The following CEP126 variants were observed in gnomAD, a reference collection of about 807,000 sequenced individuals.
The protein encoded by CEP126 is centrosomal protein of 126 kDa.
CEP126 carries 74 observed loss-of-function variants against 107.8 expected under a neutral mutation model. The ratio of observed to expected loss-of-function variants is 0.69; its 90% confidence interval spans 0.57 to 0.83. The LOEUF is 0.83. CEP126 is among the 40% of genes least tolerant of loss of function. CEP126 has a pLI of 0.00. For missense variants in CEP126, 1,237 were observed against 1,281.9 expected (o/e 0.96, Z 0.53); for synonymous variants, 449 against 446.0 (o/e 1.01, Z -0.08).
chr11:101,974,594 G>A (rs1237267786), intron 6 of CEP126, among the ~76,000 whole-genome samples: 1 of 152,088 alleles, frequency 6.6e-6, no homozygotes, highest in Admixed American at 6.6e-5. Flanking sequence ...ATGTGTTTAT[G>A]ATTAAGAATA....
intron 6 of CEP126, among the ~76,000 whole-genome samples, chr11:101,969,991 T>C (rs1487876219): frequency 6.6e-6 from 1 of 152,170 alleles, no homozygotes; most frequent in Non-Finnish European, 1.5e-5. Context: ...AGGTAATACA[T>C]TTATAATTTA....
intron 5 of CEP126, among the ~76,000 whole-genome samples, chr11:101,959,237 A>T (rs756411320): frequency 6.6e-6 from 1 of 151,558 alleles, no homozygotes; most frequent in Admixed American, 6.6e-5. Context: ...GCTCACTGCA[A>T]CCTCCGCCTC....
At chr11:101,925,380 C>A (rs1940391167) in intron 2 of CEP126, among the ~76,000 whole-genome samples, 1 of 152,136 alleles carries the variant, frequency 6.6e-6, no homozygotes, top group Admixed American at 6.5e-5. Flanking sequence ...ATTCACTCAA[C>A]ATGGAGAATT....
intron 10 of CEP126, among the ~76,000 whole-genome samples, chr11:101,993,847 T>C (rs1941413412): frequency 6.6e-6 from 1 of 152,244 alleles, no homozygotes; most frequent in Non-Finnish European, 1.5e-5. Flanking sequence ...GTCACATGTG[T>C]GTCTTCTTTT....
At chr11:101,965,874 C>T (rs1941052063) in intron 6 of CEP126, among the ~76,000 whole-genome samples, 1 of 152,114 alleles carries the variant, frequency 6.6e-6, no homozygotes, top group Non-Finnish European at 1.5e-5. Context: ...AAGTCCTGTG[C>T]TTTTTCTACT....
At chr11:101,961,674 T>A in intron 5 of CEP126, 67 bp from the exon 6 acceptor site, 1 of 835,598 alleles carries the variant, frequency 1.2e-6, no homozygotes, top group Non-Finnish European at 1.9e-6. Flanking sequence ...AACAATGGTA[T>A]GTTGAATCGT....
chr11:101,971,592 C>T (rs1029089594), intron 6 of CEP126, among the ~76,000 whole-genome samples: 18 of 151,534 alleles, frequency 1.2e-4, no homozygotes, highest in Admixed American at 2.6e-4. Context: ...GGACTCACTG[C>T]GTTGCCCAGG....
At chr11:101,919,935 C>T (rs1940297380) in intron 1 of CEP126, among the ~76,000 whole-genome samples, 1 of 152,180 alleles carries the variant, frequency 6.6e-6, no homozygotes, top group Admixed American at 6.5e-5. Flanking sequence ...AATACCTAGA[C>T]ATCTTGTTGA....
At chr11:101,986,746 G>A (rs1430046333) in intron 8 of CEP126, 86 bp from the exon 9 acceptor site, 13 of 888,808 alleles carry the variant, frequency 1.5e-5, no homozygotes, top group Non-Finnish European at 2.4e-5. Context: ...AGACAGTTAA[G>A]CATGTATAAG....
chr11:101,939,220 A>G (rs539762372), intron 2 of CEP126, among the ~76,000 whole-genome samples: 98 of 152,124 alleles, frequency 6.4e-4, no homozygotes, highest in Non-Finnish European at 1.3e-3. Context: ...TTCTATCTTT[A>G]GTTCTGTGTT....
In CEP126 at chr11:101,915,081, C is replaced by T. The variant is rs964237105; in HGVS notation, c.-204C>T. On this transcript the variant is annotated 5_prime_UTR_variant, in exon 1 of 11. Transcript: ENST00000263468. ...CCCATCTGCTATTGCCCGGCGAGGTCGCCGCTGCCTCAGCTGCCATCGCCG... is the reference window on the plus strand; with the variant it reads ...CCCATCTGCTATTGCCCGGCGAGGTTGCCGCTGCCTCAGCTGCCATCGCCG... 17 of 664,672 alleles carry T rather than the reference C, an allele frequency of 2.6e-5. No homozygotes were observed. The highest frequency in any genetic ancestry group is 3.8e-5 in the Non-Finnish European group (16 of 425,076). The allele number at this position is 664,672 out of a possible 1,614,324, so 41.2% of individuals were successfully genotyped here.
chr11:101,923,404 C>G (rs1027859584), intron 2 of CEP126, among the ~76,000 whole-genome samples: 1 of 152,006 alleles, frequency 6.6e-6, no homozygotes, highest in Non-Finnish European at 1.5e-5. Flanking sequence ...AAATATTAGG[C>G]TTTTTTTGAG....
intron 4 of CEP126, among the ~76,000 whole-genome samples, chr11:101,953,692 T>A (rs1940843542): frequency 6.6e-6 from 1 of 152,120 alleles, no homozygotes; most frequent in Non-Finnish European, 1.5e-5. Context: ...GGTAATTAGT[T>A]AACCACAAGC....
intron 4 of CEP126, among the ~76,000 whole-genome samples, chr11:101,950,207 C>T (rs1004873524): frequency 2.0e-5 from 3 of 151,852 alleles, no homozygotes; most frequent in Non-Finnish European, 4.4e-5. Context: ...GTGGTGGGGG[C>T]AGAAAATAAA....
intron 2 of CEP126, 88 bp downstream of exon 2, chr11:101,922,848 T>G (rs1940351205): frequency 8.8e-6 from 9 of 1,026,000 alleles, no homozygotes; most frequent in Admixed American, 4.9e-5. Context: ...TTTATGAAAC[T>G]AAGTCATGGC....
intron 9 of CEP126, among the ~76,000 whole-genome samples, chr11:101,989,530 G>A (rs1010507268): frequency 3.3e-5 from 5 of 152,092 alleles, no homozygotes; most frequent in East Asian, 1.9e-4. Context: ...TTCTATTTCC[G>A]CCTAAAATGT....
chr11:101,957,717 T>G (rs1233804115), intron 4 of CEP126, among the ~76,000 whole-genome samples: 1 of 152,180 alleles, frequency 6.6e-6, no homozygotes, highest in Non-Finnish European at 1.5e-5. Flanking sequence ...ATTTTCTATC[T>G]GCTTGAATCT....
chr11:101,997,139 G>C (rs546459416), intron 10 of CEP126, among the ~76,000 whole-genome samples: 1 of 152,292 alleles, frequency 6.6e-6, no homozygotes, highest in African/African-American at 2.4e-5. Context: ...CCAGGTTCAA[G>C]GGATTCTCCT....
At chr11:101,938,122 C>T (rs953334987) in intron 2 of CEP126, among the ~76,000 whole-genome samples, 2 of 123,240 alleles carry the variant, frequency 1.6e-5, no homozygotes, top group Admixed American at 8.9e-5. Context: ...CACTGCAGTC[C>T]GCAGTCCGGC....
Sources: gnomAD v4.1 joint callset for allele counts (sites outside exome capture counted in the v4.1 genomes callset) on GRCh38, gnomAD v4.1.1 for gene constraint, MANE v1.5 for transcripts, NCBI Gene and HGNC (gene_info 2026-07-23, HGNC 2026-07-21) for gene names.